The following FAM83A variants were observed in gnomAD, a reference collection of about 807,000 sequenced individuals.
FAM83A encodes the protein scaffolding CK1 anchoring protein A, also known as protein FAM83A.
In FAM83A, 21 loss-of-function variants were observed where a neutral mutation model predicts 24.4. The ratio of observed to expected loss-of-function variants is 0.86; its 90% confidence interval spans 0.61 to 1.24. FAM83A has a LOEUF of 1.24. Among genes scored for constraint, FAM83A ranks in the 50% most tolerant of loss-of-function variants. The pLI, the probability that FAM83A is intolerant of heterozygous loss-of-function variation, is 0.00. For missense variants in FAM83A, 617 were observed against 579.8 expected (o/e 1.06, Z -0.66); for synonymous variants, 270 against 252.4 (o/e 1.07, Z -0.66).
upstream of FAM83A, among the ~76,000 whole-genome samples, chr8:123,180,905 GAGAA>G (rs201923666): frequency 5.7e-3 from 859 of 151,494 alleles, 8 homozygotes; most frequent in African/African-American, 0.019. Context: ...AAAAAAAAAA[GAGAA>G]AGAGAGAGAT....
At chr8:123,188,126 C>T (rs1274545940) in intron 1 of FAM83A, among the ~76,000 whole-genome samples, 3 of 151,992 alleles carry the variant, frequency 2.0e-5, no homozygotes, top group South Asian at 2.1e-4. Flanking sequence ...CTGCCCACCT[C>T]GGCCTCCCAA....
At chr8:123,193,725 G>T (rs1824052894) in intron 2 of FAM83A, among the ~76,000 whole-genome samples, 2 of 152,140 alleles carry the variant, frequency 1.3e-5, no homozygotes, top group South Asian at 4.1e-4. Flanking sequence ...GGCAGATTCG[G>T]CGTCTGGTGA....
intron 1 of FAM83A, among the ~76,000 whole-genome samples, chr8:123,191,255 G>A (rs1358754322): frequency 6.6e-6 from 1 of 152,168 alleles, no homozygotes; most frequent in Non-Finnish European, 1.5e-5. Flanking sequence ...GACACATGAT[G>A]CAGTAGCTGT....
intron 3 of FAM83A, chr8:123,201,905 A>G (rs866941773): frequency 6.6e-6 from 1 of 152,478 alleles, no homozygotes; most frequent in Non-Finnish European, 1.5e-5. Context: ...AGAGGGAGCC[A>G]CCACTTCTGC....
chr8:123,193,859 A>G (rs1586781223), intron 2 of FAM83A, among the ~76,000 whole-genome samples, 165 bp from the exon 3 acceptor site: 1 of 152,184 alleles, frequency 6.6e-6, no homozygotes, highest in East Asian at 1.9e-4. Context: ...CTCCATCTTC[A>G]TGACCTAATC....
chr8:123,203,062 G>A (rs942936090), intron 3 of FAM83A, among the ~76,000 whole-genome samples: 1 of 152,008 alleles, frequency 6.6e-6, no homozygotes, highest in African/African-American at 2.4e-5. Context: ...GGGGAAAGGA[G>A]GAACTGGAAA....
chr8:123,186,998 C>G (rs1303795666), intron 1 of FAM83A, among the ~76,000 whole-genome samples: 1 of 152,108 alleles, frequency 6.6e-6, no homozygotes, highest in African/African-American at 2.4e-5. Context: ...TTGGGCAACC[C>G]TCGGTGCCTG....
intron 3 of FAM83A, among the ~76,000 whole-genome samples, chr8:123,200,551 T>C (rs1258639288): frequency 6.6e-6 from 1 of 152,100 alleles, no homozygotes; most frequent in Non-Finnish European, 1.5e-5. Flanking sequence ...GTGTGGCGGC[T>C]CATGCCTGTA....
chr8:123,182,735 G>T, exon 1 of FAM83A: 1 of 1,431,968 alleles, frequency 7.0e-7, no homozygotes, highest in Non-Finnish European at 9.5e-7. Context: ...CGCCGGTCCT[G>T]GGAGCAGGCG....
At chr8:123,194,112 T>C (rs773439676) in exon 3 of FAM83A, 40 of 1,614,022 alleles carry the variant, frequency 2.5e-5, no homozygotes, top group Non-Finnish European at 3.3e-5. Flanking sequence ...AAGTTCATCA[T>C]CTCGGACTGG....
rs1823646477 is a variant in FAM83A at position 123,182,867 on chromosome 8, C to G, written c.11C>G (p.Ser4Ter). The G allele has an allele frequency of 1.3e-6, 2 of 1,521,950 alleles. No individual in the cohort carries two copies. Among genetic ancestry groups the G allele is most frequent in the Admixed American group, 2.2e-5 (1 of 46,088 alleles). The allele number at this position is 1,521,950 out of a possible 1,614,324, so 94.3% of individuals were successfully genotyped here. A position where few individuals can be genotyped will look rare whatever the true frequency, so the allele number is the denominator to read the frequency against. The stretch of plus-strand genomic sequence containing the variant: ...CCAGGGACGGGAGGCATGAGCCGGT[C>G]AAGGCACCTGGGCAAAATCCGGAAG... Residue 4 changes from serine to a stop codon, truncating the protein, a stop_gained, in exon 1 of 4, where the codon TCA becomes TGA. Transcript: ENST00000690554. LOFTEE classifies it high-confidence loss of function.
At position 123,182,932 on chromosome 8, in the gene FAM83A, AG is replaced by A. The variant is rs772697660; in HGVS notation, c.79del (p.Ala27LeufsTer103). ...CAAGAGCCAGTGGGTCCGGCCAGCC[AG>A]GGCTGACTTTAGTGACAACGAGAGT... On this transcript the variant is annotated frameshift_variant, in exon 1 of 4. Transcript: ENST00000690554. LOFTEE classifies it high-confidence loss of function. The A allele has an allele frequency of 8.9e-6, 14 of 1,577,078 alleles. No homozygotes were observed. The highest frequency in any genetic ancestry group is 1.7e-4 in the Middle Eastern group (1 of 5,866).
chr8:123,179,370 A>G (rs1377523422), upstream of FAM83A: 1 of 152,160 alleles, frequency 6.6e-6, no homozygotes, highest in Non-Finnish European at 1.5e-5. Flanking sequence ...GCCATACAGT[A>G]TGGGATGCAC....
At chr8:123,195,072 T>C (rs74996415) in intron 3 of FAM83A, among the ~76,000 whole-genome samples, 3,776 of 152,212 alleles carry the variant, frequency 0.025, 185 homozygotes, top group African/African-American at 0.086. Context: ...GTGAGAGGGA[T>C]GAAATGAGAG....
chr8:123,185,513 C>A (rs554987132), intron 1 of FAM83A, among the ~76,000 whole-genome samples: 1 of 152,176 alleles, frequency 6.6e-6, no homozygotes, highest in African/African-American at 2.4e-5. Context: ...ACCAACACAG[C>A]GTGTTACGAA....
chr8:123,200,835 A>C (rs183673802), intron 3 of FAM83A, among the ~76,000 whole-genome samples: 41 of 152,026 alleles, frequency 2.7e-4, no homozygotes, highest in Non-Finnish European at 5.7e-4. Flanking sequence ...GGTGCCTGTA[A>C]TTCCAGCTAC....
exon 4 of FAM83A, chr8:123,208,041 A>G: frequency 9.2e-7 from 1 of 1,085,648 alleles, no homozygotes; most frequent in Non-Finnish European, 1.1e-6. Flanking sequence ...ATGCAGCCCA[A>G]GTTTTACAAA....
exon 4 of FAM83A, chr8:123,207,348 G>C: frequency 1.2e-6 from 2 of 1,611,428 alleles, no homozygotes; most frequent in Non-Finnish European, 1.7e-6. Context: ...CTTAGCAGCA[G>C]CAGTGGCTCC....
intron 2 of FAM83A, 49 bp downstream of exon 2, chr8:123,192,019 G>T (rs1353681816): frequency 1.3e-6 from 2 of 1,591,764 alleles, no homozygotes; most frequent in Non-Finnish European, 1.7e-6. Flanking sequence ...AGCCCAGATA[G>T]GATAGTCTAT....
Sources: allele counts gnomAD v4.1 joint callset (sites outside exome capture counted in the v4.1 genomes callset), GRCh38; gene constraint gnomAD v4.1.1; transcripts MANE v1.5; gene names NCBI Gene and HGNC (gene_info 2026-07-23, HGNC 2026-07-21).